HERC1: variants seen among roughly 807,000 people sequenced by gnomAD.
HERC1 encodes probable E3 ubiquitin-protein ligase HERC1.
HERC1 carries 160 observed loss-of-function variants against 554.3 expected under a neutral mutation model. That is an observed-to-expected ratio of 0.29 (90% confidence interval 0.25 to 0.33). The LOEUF (loss-of-function observed/expected upper bound fraction) is 0.33. Ranked by LOEUF, HERC1 falls within the 10% of genes least tolerant of loss-of-function variation. HERC1 has a pLI of 1.00. For synonymous variants in HERC1, 2,175 were observed against 2,131.7 expected, an observed-to-expected ratio of 1.02 and a Z score of -0.56; for missense variants, 4,919 against 5,918.5, an observed-to-expected ratio of 0.83 and a Z score of 5.54.
chr15:63,619,478 C>T (rs926340564), intron 74 of HERC1, among the ~76,000 whole-genome samples: 30 of 152,108 alleles, frequency 2.0e-4, no homozygotes, highest in African/African-American at 7.0e-4. Flanking sequence ...GTGTCTCTGC[C>T]AGGCTTTGGT....
intron 1 of HERC1, among the ~76,000 whole-genome samples, chr15:63,790,536 C>CA (rs1400784810): frequency 6.6e-6 from 1 of 152,038 alleles, no homozygotes; most frequent in Non-Finnish European, 1.5e-5. Context: ...CGAGATCGCA[C>CA]CACTGCACTC....
rs1361408234 is a variant in HERC1, at chr15:63,612,439, A to G, written c.14212T>C (p.Leu4738=). Reference sequence around the variant, plus strand: ...TCACGGTACCGCACCACTTTCTTCAAGACTTCCACAGAGATCTCGGGCATC... The same window carrying G: ...TCACGGTACCGCACCACTTTCTTCAGGACTTCCACAGAGATCTCGGGCATC... ...CGMPEISVEV[L]KKVVRYREVD... Residue 4738 remains leucine (L), a synonymous_variant, in exon 77 of 78, where the codon TTG becomes CTG. Coordinates refer to ENST00000443617, the MANE Select transcript of HERC1 (RefSeq NM_003922.4). This position sits in a 1 kb window ranked among gnomAD's most constrained non-coding sequence, Gnocchi z 5.0. 8.7e-6 allele frequency: 14 copies of G among 1,613,872 alleles called. No homozygotes were observed. The highest frequency in any genetic ancestry group is 8.5e-6 in the Non-Finnish European group (10 of 1,179,892).
chr15:63,696,306 G>C lies in HERC1; in HGVS notation c.4939C>G (p.Leu1647Val), dbSNP rs779435927. ...RLEALHQILV[L>V]LSGMEEKGSI... ...CCTTTTTCTTCCATCCCAGACAATA[G>C]AACGAGGATCTGATGAAGTGCCTCT... Residue 1647 changes from leucine (L) to valine (V), a missense_variant, in exon 27 of 78, where the codon CTA becomes GTA. Transcript: ENST00000443617. 1.9e-6 allele frequency: 3 copies of C among 1,612,802 alleles called. No individual in the cohort carries two copies. The highest frequency in any genetic ancestry group is 2.5e-6 in the Non-Finnish European group (3 of 1,179,422).
At chr15:63,706,030 C>CAAAAAA (rs35213471) in intron 25 of HERC1, among the ~76,000 whole-genome samples, 11 of 46,784 alleles carry the variant, frequency 2.4e-4, no homozygotes, top group African/African-American at 7.6e-4. Context: ...ACCCTGTCTC[C>CAAAAAA]AAAAAAAAAA....
At chr15:63,652,259 A>C (rs961784148) in intron 52 of HERC1, among the ~76,000 whole-genome samples, 155 bp downstream of exon 52, 1 of 152,254 alleles carries the variant, frequency 6.6e-6, no homozygotes, top group Non-Finnish European at 1.5e-5. Context: ...GTTATCCTGG[A>C]AAGTTAAAAA....
At chr15:63,786,415 A>G (rs2076447946) in intron 1 of HERC1, among the ~76,000 whole-genome samples, 1 of 152,170 alleles carries the variant, frequency 6.6e-6, no homozygotes, top group South Asian at 2.1e-4. Context: ...TACCCAAGTG[A>G]ACTGAAAACA....
chr15:63,643,446 C>G lies in HERC1; in HGVS notation c.11289G>C (p.Val3763=). 1 of 1,613,502 alleles carries G rather than the reference C, an allele frequency of 6.2e-7. No homozygotes were observed. Among genetic ancestry groups the G allele is most frequent in the Non-Finnish European group, 8.5e-7 (1 of 1,179,640 alleles). The change falls in exon 58 of 78, where the codon GTG becomes GTC. Residue 3763 remains valine (V), a synonymous_variant. Coordinates refer to ENST00000443617, the MANE Select transcript of HERC1 (RefSeq NM_003922.4). ...TCATGAGCCCACCTAGTCCACCAGA[C>G]ACCAGGGCCAACCCATCAGAACTAA... ...VAFSSDGLAL[V]SGGLGGLMNI... is the part of the protein sequence containing the mutation.
Position 63,640,310 on chromosome 15 carries a change from C to T in HERC1, c.11743G>A (p.Asp3915Asn). 6.2e-7 allele frequency: 1 copy of T among 1,613,852 alleles called. No individual in the cohort carries two copies. Among genetic ancestry groups the T allele is most frequent in the Non-Finnish European group, 8.5e-7 (1 of 1,179,822 alleles). Residue 3915 changes from aspartate to asparagine, a missense_variant, in exon 61 of 78, where the codon GAC becomes AAC. By Grantham distance (23) the Asp-to-Asn change is conservative. Coordinates refer to ENST00000443617, the MANE Select transcript of HERC1 (RefSeq NM_003922.4). ...TCATTTGGATTCCAGGATGCAGGGT[C>T]AGGGAGACAGTTCTGGTGGTGTGGT... is the stretch of plus-strand genomic sequence containing the variant. ...VPPHHQNCLP[D>N]PASWNPNEWA...
chr15:63,628,180 C>T (rs2068386091), intron 70 of HERC1, among the ~76,000 whole-genome samples: 2 of 152,058 alleles, frequency 1.3e-5, no homozygotes, highest in Non-Finnish European at 2.9e-5. Context: ...CACTGGAGGT[C>T]AGGAATTTGA....
At chr15:63,698,399 C>T (rs550216584) in intron 26 of HERC1, among the ~76,000 whole-genome samples, 84 of 136,134 alleles carry the variant, frequency 6.2e-4, no homozygotes, top group African/African-American at 2.3e-3. Context: ...GCCTGGGCAA[C>T]GAGAGCGAAA....
intron 12 of HERC1, among the ~76,000 whole-genome samples, chr15:63,745,879 T>G (rs574594487): frequency 6.6e-6 from 1 of 152,318 alleles, no homozygotes; most frequent in South Asian, 2.1e-4. Context: ...AGTAGTAATA[T>G]CTTGTCTTTC....
At chr15:63,674,288 T>C in intron 38 of HERC1, 54 bp downstream of exon 38, 2 of 1,445,786 alleles carry the variant, frequency 1.4e-6, no homozygotes, top group Non-Finnish European at 1.8e-6. Context: ...CTGACAATTA[T>C]GAAAATAATC....
chr15:63,808,370 C>T (rs150131204), intron 1 of HERC1, among the ~76,000 whole-genome samples: 1 of 152,294 alleles, frequency 6.6e-6, no homozygotes, highest in East Asian at 1.9e-4. Context: ...TCACTGGAGC[C>T]TTGAACTCCT....
intron 2 of HERC1, among the ~76,000 whole-genome samples, chr15:63,765,471 T>C (rs993445386): frequency 2.6e-5 from 4 of 152,170 alleles, no homozygotes; most frequent in Non-Finnish European, 5.9e-5. Context: ...TGCCTCATTA[T>C]ATCCATCCAG....
Position 63,692,597 on chromosome 15 carries a change from C to T in HERC1, c.5675-31G>A. 1.9e-6 allele frequency: 3 copies of T among 1,553,728 alleles called. No homozygotes were observed. Among genetic ancestry groups the T allele is most frequent in the Non-Finnish European group, 1.7e-6 (2 of 1,153,290 alleles). On this transcript the variant is annotated intron_variant, in intron 30 of 77. Transcript: ENST00000443617. The surrounding 1 kb of genome is among the most constrained non-coding windows in gnomAD (Gnocchi z 4.7). ...GTGAAGAGACAAGTTTACGTTACAA[C>T]CAAGAGCCAACAAGAAATAGTCTTA...
rs371152056 is a variant in HERC1, at chr15:63,678,048, A to G, written c.6867T>C (p.Ala2289=). The G allele has an allele frequency of 6.2e-7, 1 of 1,613,926 alleles. No individual in the cohort carries two copies. Among genetic ancestry groups the G allele is most frequent in the African/African-American group, 1.3e-5 (1 of 74,934 alleles). ...EKGKHTRHGL[A]DLSELQLRTL... Reference sequence around the variant, plus strand: ...TCCTCAGCTGCAGCTCTGAGAGGTCAGCGAGGCCATGCCTAGTATGTTTAC... The same window carrying G: ...TCCTCAGCTGCAGCTCTGAGAGGTCGGCGAGGCCATGCCTAGTATGTTTAC... The change falls in exon 37 of 78, where the codon GCT becomes GCC. Residue 2289 remains alanine (A), a synonymous_variant. Coordinates refer to ENST00000443617, the MANE Select transcript of HERC1 (RefSeq NM_003922.4).
intron 12 of HERC1, among the ~76,000 whole-genome samples, chr15:63,744,008 CAT>C (rs1310436253): frequency 1.3e-5 from 2 of 151,906 alleles, no homozygotes; most frequent in Non-Finnish European, 2.9e-5. Flanking sequence ...CTTGCAGCCT[CAT>C]AGAGGTACCA....
chr15:63,630,093 C>T (rs544970636), intron 69 of HERC1, among the ~76,000 whole-genome samples: 1 of 152,216 alleles, frequency 6.6e-6, no homozygotes, highest in South Asian at 2.1e-4. Context: ...AACTGATGTT[C>T]CCAGGACCTA....
chr15:63,633,965 G>T lies in HERC1; in HGVS notation c.12576C>A (p.Ala4192=). Residue 4192 remains alanine (A), a synonymous_variant, in exon 67 of 78, where the codon GCC becomes GCA. Transcript: ENST00000443617. The stretch of plus-strand genomic sequence containing the variant: ...CTGCCAAAGTGTGGTTTAATCCACA[G>T]GCCACCTAAAGAAATAACAGCATTC... The part of the protein sequence containing the change: ...ALEGYQIGQV[A]CGLNHTLAVS... 1 of 1,613,828 alleles carries T rather than the reference G, an allele frequency of 6.2e-7. No homozygotes were observed. Among genetic ancestry groups the T allele is most frequent in the Non-Finnish European group, 8.5e-7 (1 of 1,179,796 alleles).
Sources: allele counts gnomAD v4.1 joint callset (sites outside exome capture counted in the v4.1 genomes callset), GRCh38; gene constraint gnomAD v4.1.1; non-coding constraint Gnocchi (gnomAD v3.1); transcripts MANE v1.5; gene names NCBI Gene and HGNC (gene_info 2026-07-23, HGNC 2026-07-21).